Variants in C16orf78 observed in about 807,000 individuals in gnomAD.
The protein encoded by C16orf78 is uncharacterized protein C16orf78.
A neutral mutation model predicts 27.3 loss-of-function variants in C16orf78; 19 were observed. The ratio of observed to expected loss-of-function variants is 0.70; its 90% CI spans 0.49 to 1.02. The LOEUF is 1.02. Ranked by LOEUF, C16orf78 falls within the 50% of genes least tolerant of loss-of-function variation. The probability of loss-of-function intolerance (pLI) is 0.00; values close to 1 mark genes in which losing one functional copy is unlikely to be tolerated. For missense variants in C16orf78, 339 were observed against 337.0 expected (o/e 1.01, Z -0.05); for synonymous variants, 130 against 116.1 (o/e 1.12, Z -0.77).
rs1965514351 is a variant in C16orf78 at position 49,399,427 on chromosome 16, G to T, written c.*149G>T. On this transcript the variant is annotated 3_prime_UTR_variant, in exon 5 of 5. Coordinates refer to ENST00000299191, the MANE Select transcript of C16orf78 (RefSeq NM_144602.4). ...ATCAGAAAACAAGCCTCGGCTGTGT[G>T]ATCATTGTGCTTCCGTAAGACTGGT... 3 of 934,780 alleles carry T rather than the reference G, an allele frequency of 3.2e-6. No homozygotes were observed. In the East Asian group the frequency reaches 7.9e-5, roughly 25 times the overall value. The allele number at this position is 934,780 out of a possible 1,614,324, so 57.9% of individuals were successfully genotyped here. A position where few individuals can be genotyped will look rare whatever the true frequency, so the allele number is the denominator to read the frequency against.
At chr16:49,376,625 C>T (rs1596917850) in intron 1 of C16orf78, among the ~76,000 whole-genome samples, 1 of 152,228 alleles carries the variant, frequency 6.6e-6, no homozygotes, top group African/African-American at 2.4e-5. Flanking sequence ...GGCCCTTGGA[C>T]AGCTTCCTTC....
intron 4 of C16orf78, among the ~76,000 whole-genome samples, chr16:49,398,529 C>T (rs902319550): frequency 6.6e-6 from 1 of 152,164 alleles, no homozygotes; most frequent in African/African-American, 2.4e-5. Flanking sequence ...CATTGCTCAG[C>T]GATTATTTCC....
intron 1 of C16orf78, among the ~76,000 whole-genome samples, chr16:49,374,582 T>C (rs1472529420): frequency 6.6e-6 from 1 of 152,230 alleles, no homozygotes; most frequent in Non-Finnish European, 1.5e-5. Context: ...TGGTCAGAAT[T>C]CTAGAAGGGC....
At chr16:49,377,462 G>T (rs1449127809) in intron 1 of C16orf78, among the ~76,000 whole-genome samples, 1 of 152,106 alleles carries the variant, frequency 6.6e-6, no homozygotes. Context: ...GCCCTTATGT[G>T]GGGGGTGATG....
chr16:49,382,146 CAGTAAACTATCG>C, intron 3 of C16orf78, among the ~76,000 whole-genome samples: 1 of 152,182 alleles, frequency 6.6e-6, no homozygotes, highest in Admixed American at 6.6e-5. Flanking sequence ...TCATCATTCT[CAGTAAACTATCG>C]CAAGAACAAA....
rs529800222 is a variant in C16orf78 at position 49,382,418 on chromosome 16, AAAATAAATAAAT to A, written c.394+3842_394+3853del. 8.3e-4 allele frequency among the ~76,000 whole-genome samples: 126 copies of A among 151,532 alleles called. 2 individuals are homozygous for A. In the East Asian group the frequency reaches 0.023, roughly 28 times the overall value. ...ACCCTAAAACTTAAAGTATAATAAT[AAAATAAATAAAT>A]AAATAAATAAATAAATTTAAAAAAA... is the stretch of plus-strand genomic sequence containing the variant. On this transcript the variant is annotated intron_variant, in intron 3 of 4. Transcript: ENST00000299191.
At chr16:49,393,245 T>C (rs1965435238) in intron 3 of C16orf78, among the ~76,000 whole-genome samples, 1 of 152,222 alleles carries the variant, frequency 6.6e-6, no homozygotes, top group African/African-American at 2.4e-5. Flanking sequence ...TACACCTCCT[T>C]CAGAACCAAA....
At chr16:49,392,311 A>G (rs1357720665) in intron 3 of C16orf78, among the ~76,000 whole-genome samples, 1 of 152,262 alleles carries the variant, frequency 6.6e-6, no homozygotes, top group Admixed American at 6.5e-5. Context: ...TTGTAGATTC[A>G]GAAATATTTA....
intron 3 of C16orf78, among the ~76,000 whole-genome samples, chr16:49,390,200 G>T (rs933471769): frequency 4.6e-5 from 7 of 152,122 alleles, no homozygotes; most frequent in East Asian, 1.9e-4. Flanking sequence ...CTTATGATGT[G>T]CCTCAGTGTC....
chr16:49,399,098 T>C, intron 4 of C16orf78, 33 bp from the exon 5 acceptor site: 1 of 1,609,546 alleles, frequency 6.2e-7, no homozygotes, highest in Non-Finnish European at 8.5e-7. Context: ...TGACTCCACC[T>C]TCAACTGACC....
At chr16:49,394,191 A>G (rs1965445250) in intron 3 of C16orf78, among the ~76,000 whole-genome samples, 1 of 152,170 alleles carries the variant, frequency 6.6e-6, no homozygotes, top group Non-Finnish European at 1.5e-5. Flanking sequence ...TAAAATATAG[A>G]CATTTCTGCA....
At chr16:49,395,043 T>G (rs1182859475) in intron 3 of C16orf78, among the ~76,000 whole-genome samples, 2 of 152,010 alleles carry the variant, frequency 1.3e-5, no homozygotes, top group South Asian at 4.1e-4. Flanking sequence ...TTTTTTTTTG[T>G]TGTTGTTAGA....
chr16:49,396,438 A>T lies in C16orf78; in HGVS notation c.410A>T (p.Asp137Val). 1 of 1,614,108 alleles carries T rather than the reference A, an allele frequency of 6.2e-7. No homozygotes were observed. Among genetic ancestry groups the T allele is most frequent in the Non-Finnish European group, 8.5e-7 (1 of 1,180,018 alleles). Residue 137 changes from aspartate to valine, a missense_variant, in exon 4 of 5, where the codon GAT (aspartate) becomes GTT (valine). Coordinates refer to ENST00000299191, the MANE Select transcript of C16orf78 (RefSeq NM_144602.4). The stretch of plus-strand genomic sequence containing the variant: ...CCAATTTCAGATACAGACATCAAGG[A>T]TGCAGTCGACCCAGAGTCCACTCAG... ...GPKKSDTDIK[D>V]AVDPESTQRP...
rs923950457 is a variant in C16orf78, at chr16:49,399,286, C to T, written c.*8C>T. On this transcript the variant is annotated 3_prime_UTR_variant, in exon 5 of 5. Coordinates refer to ENST00000299191, the MANE Select transcript of C16orf78 (RefSeq NM_144602.4). ...CCCAGCATGGCCCTCTAAATAGCTC[C>T]TCTCGCCACCACCTTCAGGCTCCTT... The T allele has an allele frequency of 6.8e-6, 11 of 1,613,640 alleles. No individual in the cohort carries two copies. Among genetic ancestry groups the T allele is most frequent in the Admixed American group, 1.7e-5 (1 of 59,998 alleles).
chr16:49,395,925 G>A (rs891011673), intron 3 of C16orf78, among the ~76,000 whole-genome samples: 3 of 151,988 alleles, frequency 2.0e-5, no homozygotes, highest in Admixed American at 1.3e-4. Context: ...AGGAGGGAGG[G>A]GTAAAAGGAT....
intron 1 of C16orf78, among the ~76,000 whole-genome samples, chr16:49,375,312 G>A (rs1965200652): frequency 6.6e-6 from 1 of 151,912 alleles, no homozygotes; most frequent in Admixed American, 6.5e-5. Flanking sequence ...AGAAATACCT[G>A]AGACTGGGTC....
intron 4 of C16orf78, 82 bp downstream of exon 4, chr16:49,396,760 T>G (rs1280591964): frequency 1.3e-6 from 2 of 1,500,562 alleles, no homozygotes; most frequent in African/African-American, 2.8e-5. Flanking sequence ...TCAAACACCT[T>G]GGCTTAGCCT....
chr16:49,386,266 A>G (rs1293705886), intron 3 of C16orf78, among the ~76,000 whole-genome samples: 1 of 152,252 alleles, frequency 6.6e-6, no homozygotes, highest in Non-Finnish European at 1.5e-5. Flanking sequence ...GGGGACTTTA[A>G]CACTTCACTC....
At chr16:49,396,706 G>A (rs1965480166) in intron 4 of C16orf78, 28 bp downstream of exon 4, 1 of 1,596,616 alleles carries the variant, frequency 6.3e-7, no homozygotes. Flanking sequence ...CTGGGCAGAT[G>A]GGGTGGGGTC....
Sources: gnomAD v4.1 joint callset for allele counts (sites outside exome capture counted in the v4.1 genomes callset) on GRCh38, gnomAD v4.1.1 for gene constraint, MANE v1.5 for transcripts, NCBI Gene and HGNC (gene_info 2026-07-23, HGNC 2026-07-21) for gene names.